HERC3: variants seen among roughly 807,000 people sequenced by gnomAD.
HERC3 encodes HECT and RLD domain containing E3 ubiquitin protein ligase 3, also known as probable E3 ubiquitin-protein ligase HERC3.
In HERC3, 58 loss-of-function variants were observed where a neutral mutation model predicts 129.9. The ratio of observed to expected loss-of-function variants is 0.45; its 90% CI spans 0.36 to 0.56. HERC3 has a LOEUF of 0.56. HERC3 is among the 20% of genes least tolerant of loss of function. HERC3 has a pLI of 0.00. For missense variants in HERC3, 835 were observed against 1,244.2 expected, an observed-to-expected ratio of 0.67 and a Z score of 4.95; for synonymous variants, 430 against 451.0, an observed-to-expected ratio of 0.95 and a Z score of 0.59.
intron 3 of HERC3, among the ~76,000 whole-genome samples, chr4:88,613,187 G>A (rs183953838): frequency 4.0e-4 from 61 of 152,256 alleles, no homozygotes; most frequent in African/African-American, 1.5e-3. Flanking sequence ...AATCTAATTT[G>A]ACTCTGCTAA....
chr4:88,593,089 C>T (rs1205075814), intron 1 of HERC3, among the ~76,000 whole-genome samples: 1 of 152,112 alleles, frequency 6.6e-6, no homozygotes, highest in African/African-American at 2.4e-5. Flanking sequence ...ACCTCAGCGG[C>T]CGCGAGGAGT....
chr4:88,682,853 G>A (rs1425887676), intron 21 of HERC3, among the ~76,000 whole-genome samples: 5 of 151,884 alleles, frequency 3.3e-5, no homozygotes, highest in Non-Finnish European at 4.4e-5. Context: ...TGGGATGGCC[G>A]GGTCAAATGG....
In HERC3 at chr4:88,707,229, C is replaced by T. The variant is rs1479116609; in HGVS notation, c.*269C>T. On this transcript the variant is annotated 3_prime_UTR_variant, in exon 26 of 26. Coordinates refer to ENST00000402738, the MANE Select transcript of HERC3 (RefSeq NM_014606.3). ...AAACCAAACTACCCAGTATTCCTTGCACTTGTGAATGTGTTGCACTCTGCT... is the reference window on the plus strand; with the variant it reads ...AAACCAAACTACCCAGTATTCCTTGTACTTGTGAATGTGTTGCACTCTGCT... 3 of 431,718 alleles carry T rather than the reference C, an allele frequency of 6.9e-6. No individual in the cohort carries two copies. The highest frequency in any genetic ancestry group is 2.6e-5 in the South Asian group (1 of 38,212). The allele number at this position is 431,718 out of a possible 1,614,324, so 26.7% of individuals were successfully genotyped here.
chr4:88,701,585 G>A (rs1368713071), intron 23 of HERC3, among the ~76,000 whole-genome samples: 1 of 152,076 alleles, frequency 6.6e-6, no homozygotes, highest in Non-Finnish European at 1.5e-5. Context: ...ATGATCCACA[G>A]TCAACAGGTA....
chr4:88,625,669 C>T (rs1726019935), intron 3 of HERC3, among the ~76,000 whole-genome samples: 1 of 151,864 alleles, frequency 6.6e-6, no homozygotes, highest in Non-Finnish European at 1.5e-5. Context: ...CACTCATTTG[C>T]CTTATTTTAC....
chr4:88,590,620 A>G (rs976951528), upstream of HERC3, among the ~76,000 whole-genome samples: 1 of 152,222 alleles, frequency 6.6e-6, no homozygotes, highest in African/African-American at 2.4e-5. Context: ...TGGGCCAGAC[A>G]TATCAACCCA....
the HERC3 span, among the ~76,000 whole-genome samples, chr4:88,553,191 C>G: frequency 5.3e-5 from 8 of 152,122 alleles, no homozygotes; most frequent in Non-Finnish European, 1.2e-4. Flanking sequence ...TTTATTAGCA[C>G]AGAATAGTAG....
chr4:88,654,680 A>G (rs1013565660), intron 7 of HERC3, among the ~76,000 whole-genome samples: 5 of 151,740 alleles, frequency 3.3e-5, no homozygotes, highest in Non-Finnish European at 5.9e-5. Context: ...GCTTCTAAAT[A>G]CATTCTAGAG....
chr4:88,629,941 G>A (rs1378932722), intron 3 of HERC3, among the ~76,000 whole-genome samples: 1 of 152,118 alleles, frequency 6.6e-6, no homozygotes, highest in Non-Finnish European at 1.5e-5. Flanking sequence ...AGTATAGAGA[G>A]CTTTTTATTC....
the HERC3 span, chr4:88,527,645 A>T: frequency 3.7e-6 from 1 of 273,092 alleles, no homozygotes; most frequent in Non-Finnish European, 7.0e-6. Context: ...CTCTTCCATA[A>T]GCTCCCCTCC....
chr4:88,564,573 T>C, the HERC3 span, among the ~76,000 whole-genome samples: 4 of 152,194 alleles, frequency 2.6e-5, no homozygotes, highest in Non-Finnish European at 4.4e-5. Flanking sequence ...ATTTCTGTGG[T>C]ATCAGTTGCA....
chr4:88,702,274 C>T (rs1343440838), intron 23 of HERC3, among the ~76,000 whole-genome samples: 1 of 152,186 alleles, frequency 6.6e-6, no homozygotes, highest in Non-Finnish European at 1.5e-5. Context: ...TTTAAGCACT[C>T]TTACATGTAT....
At chr4:88,534,660 T>C in the HERC3 span, among the ~76,000 whole-genome samples, 58 of 152,330 alleles carry the variant, frequency 3.8e-4, no homozygotes, top group African/African-American at 1.4e-3. Context: ...AACATGATTT[T>C]AAAAGCCTCA....
intron 1 of HERC3, among the ~76,000 whole-genome samples, chr4:88,594,753 G>C (rs1275994370): frequency 6.6e-6 from 1 of 152,110 alleles, no homozygotes; most frequent in Non-Finnish European, 1.5e-5. Context: ...TCTCTGAGAT[G>C]ATCTCTTCTC....
Position 88,704,248 on chromosome 4 carries a change from G to A in HERC3, c.2808G>A (p.Gly936=). 6.2e-7 allele frequency: 1 copy of A among 1,614,038 alleles called. No individual in the cohort carries two copies. The highest frequency in any genetic ancestry group is 1.1e-5 in the South Asian group (1 of 91,072). ...QPSELRAMMV[G]NSNYNWEELE... is the part of the protein sequence containing the mutation. ...CAGAACTGAGGGCTATGATGGTGGG[G>A]AACAGCAACTACAACTGGGAAGAAC... The change falls in exon 24 of 26, where the codon GGG becomes GGA. Residue 936 remains glycine, a synonymous_variant. Coordinates refer to ENST00000402738, the MANE Select transcript of HERC3 (RefSeq NM_014606.3).
intron 3 of HERC3, among the ~76,000 whole-genome samples, chr4:88,645,680 G>C (rs577669221): frequency 1.3e-5 from 2 of 152,216 alleles, no homozygotes; most frequent in East Asian, 3.9e-4. Context: ...CTGGACAAAG[G>C]GATGGTTCAT....
chr4:88,662,338 A>C, intron 10 of HERC3, 93 bp from the exon 11 acceptor site: 1 of 1,286,736 alleles, frequency 7.8e-7, no homozygotes, highest in Non-Finnish European at 1.1e-6. Context: ...ATCATAAGTG[A>C]AACGTAAAAT....
At chr4:88,600,705 A>G (rs891647996) in intron 2 of HERC3, among the ~76,000 whole-genome samples, 3 of 152,228 alleles carry the variant, frequency 2.0e-5, no homozygotes, top group African/African-American at 7.2e-5. Context: ...GGCCTCACAT[A>G]CAGATCAGCA....
the HERC3 span, among the ~76,000 whole-genome samples, chr4:88,526,405 A>C: frequency 6.6e-6 from 1 of 152,174 alleles, no homozygotes; most frequent in Non-Finnish European, 1.5e-5. Flanking sequence ...AGTCAAAATA[A>C]ATTTTCCACT....
Sources: allele counts gnomAD v4.1 joint callset (sites outside exome capture counted in the v4.1 genomes callset), GRCh38; gene constraint gnomAD v4.1.1; transcripts MANE v1.5; gene names NCBI Gene and HGNC (gene_info 2026-07-23, HGNC 2026-07-21).